RUNX1: variants seen among roughly 807,000 people sequenced by gnomAD.
RUNX1 encodes the protein RUNX family transcription factor 1.
A neutral mutation model predicts 42.8 loss-of-function variants in RUNX1; 19 were observed. That is an observed-to-expected ratio of 0.44 (90% confidence interval 0.31 to 0.65). The LOEUF (loss-of-function observed/expected upper bound fraction) is 0.65, where lower values mean the gene tolerates loss of function less well. Ranked by LOEUF, RUNX1 falls within the 30% of genes least tolerant of loss-of-function variation. The pLI is 0.07. For synonymous variants in RUNX1, 271 were observed against 289.4 expected (o/e 0.94, Z 0.64); for missense variants, 528 against 672.0 (o/e 0.79, Z 2.37).
At chr21:34,800,746 C>G (rs1479891135) in intron 7 of RUNX1, among the ~76,000 whole-genome samples, 1 of 152,174 alleles carries the variant, frequency 6.6e-6, no homozygotes, top group African/African-American at 2.4e-5. Flanking sequence ...CAGTATTCTC[C>G]TGACAGCCTC....
intron 6 of RUNX1, among the ~76,000 whole-genome samples, chr21:34,857,285 G>A (rs148135054): frequency 7.2e-4 from 110 of 152,294 alleles, no homozygotes; most frequent in African/African-American, 2.4e-3. Flanking sequence ...GTTTTCTTAA[G>A]TTGTAAAACA....
rs185684955 is a variant in RUNX1, at chr21:35,037,383, G to A, written c.58+11459C>T. ...GTGGGCAGGAGAGGTCTGGATACCA[G>A]TGGTGGGGCCATAAAGCCACCAAAT... On this transcript the variant is annotated intron_variant, in intron 2 of 8. Coordinates refer to ENST00000675419, the MANE Select transcript of RUNX1 (RefSeq NM_001754.5). Among the ~76,000 whole-genome samples, 251 of 152,328 alleles carry A rather than the reference G, an allele frequency of 1.6e-3. 3 individuals are homozygous for A. The highest frequency in any genetic ancestry group is 5.8e-3 in the African/African-American group (243 of 41,564).
At chr21:34,902,537 A>C (rs1368486472) in intron 2 of RUNX1, among the ~76,000 whole-genome samples, 1 of 152,224 alleles carries the variant, frequency 6.6e-6, no homozygotes, top group African/African-American at 2.4e-5. Flanking sequence ...TGAGATTCAC[A>C]CACACAAATA....
intron 2 of RUNX1, among the ~76,000 whole-genome samples, chr21:34,930,055 T>C (rs1232374536): frequency 1.3e-5 from 2 of 150,522 alleles, no homozygotes; most frequent in Non-Finnish European, 3.0e-5. Flanking sequence ...TCCATATATA[T>C]ACATATCTCA....
At chr21:35,022,316 G>A (rs896758562) in intron 2 of RUNX1, among the ~76,000 whole-genome samples, 10 of 152,196 alleles carry the variant, frequency 6.6e-5, no homozygotes, top group African/African-American at 2.2e-4. Flanking sequence ...GTTCCTTCTC[G>A]GTCTTACTCT....
chr21:34,998,450 C>T (rs909524813), intron 2 of RUNX1, among the ~76,000 whole-genome samples: 4 of 152,080 alleles, frequency 2.6e-5, no homozygotes. Flanking sequence ...TTTTATTTGG[C>T]TTTGGGCAAC....
intron 2 of RUNX1, among the ~76,000 whole-genome samples, chr21:35,013,474 C>T (rs998719537): frequency 9.2e-5 from 14 of 151,962 alleles, no homozygotes; most frequent in Non-Finnish European, 1.3e-4. Flanking sequence ...GAAGTTATTA[C>T]GAGAGGTGAA....
At position 34,956,002 on chromosome 21, in the gene RUNX1, T is replaced by C. The variant is rs146925558; in HGVS notation, c.59-63039A>G. ...CCTCATGCATATGCAAGCAAAAGTA[T>C]AAAAATAAATTCAGCTAATAGCCAA... On this transcript the variant is annotated intron_variant, in intron 2 of 8. Coordinates refer to ENST00000675419, the MANE Select transcript of RUNX1 (RefSeq NM_001754.5). Among the ~76,000 whole-genome samples, 331 of 152,282 alleles carry C rather than the reference T, an allele frequency of 2.2e-3. 2 individuals carry two copies. The highest frequency in any genetic ancestry group is 7.5e-3 in the African/African-American group (311 of 41,558).
chr21:34,901,428 G>A lies in RUNX1; in HGVS notation c.59-8465C>T, dbSNP rs1208600042. 2.6e-5 allele frequency among the ~76,000 whole-genome samples: 4 copies of A among 152,222 alleles called. No homozygotes were observed. The South Asian group carries it at 6.2e-4, about 24-fold the overall frequency. On this transcript the variant is annotated intron_variant, in intron 2 of 8. Transcript: ENST00000675419. This position sits in a 1 kb window ranked among gnomAD's most constrained non-coding sequence, Gnocchi z 4.3. ...CTCGAGAGGCTAAGGCGGGAGAATC[G>A]CTTGAACTCGGAAGGCGGAGGTTGC...
intron 6 of RUNX1, among the ~76,000 whole-genome samples, chr21:34,849,746 A>G (rs1342128967): frequency 6.6e-6 from 1 of 150,874 alleles, no homozygotes; most frequent in Non-Finnish European, 1.5e-5. Flanking sequence ...AACTTTTCAT[A>G]ATTAATACTT....
intron 2 of RUNX1, among the ~76,000 whole-genome samples, chr21:35,001,043 T>C (rs563886620): frequency 3.3e-4 from 50 of 152,338 alleles, no homozygotes; most frequent in Middle Eastern, 3.4e-3. Flanking sequence ...CTGAAGAACA[T>C]GTGATACTTC....
chr21:34,796,809 G>GA (rs964569302), intron 8 of RUNX1, among the ~76,000 whole-genome samples: 10 of 148,676 alleles, frequency 6.7e-5, no homozygotes, highest in African/African-American at 1.2e-4. Flanking sequence ...TTTTGAAAAA[G>GA]AAAAAAAAAA....
intron 2 of RUNX1, among the ~76,000 whole-genome samples, chr21:34,965,170 A>T (rs1317478356): frequency 6.7e-6 from 1 of 148,308 alleles, no homozygotes; most frequent in African/African-American, 2.5e-5. Context: ...ACACTCTCAC[A>T]TATGCACACA....
intron 2 of RUNX1, among the ~76,000 whole-genome samples, chr21:35,004,712 C>T (rs1601662057): frequency 6.6e-6 from 1 of 152,188 alleles, no homozygotes; most frequent in East Asian, 1.9e-4. Flanking sequence ...TATTAAATGA[C>T]AAGGGATCAT....
chr21:34,906,141 G>A (rs1171889280), intron 2 of RUNX1, among the ~76,000 whole-genome samples: 3 of 152,174 alleles, frequency 2.0e-5, no homozygotes, highest in African/African-American at 7.2e-5. Context: ...TAATATATAA[G>A]TGTACATACT....
Position 34,901,371 on chromosome 21 carries a change from G to A in RUNX1, c.59-8408C>T, listed in dbSNP as rs753718567. ...CTGAAAATAAAAAAAGTAGCTGGGC[G>A]TGGTGGCGGCGCGTGCCTGTAGTCC... On this transcript the variant is annotated intron_variant, in intron 2 of 8. Transcript: ENST00000675419. This position sits in a 1 kb window ranked among gnomAD's most constrained non-coding sequence, Gnocchi z 4.3. 1.8e-4 allele frequency among the ~76,000 whole-genome samples: 27 copies of A among 152,206 alleles called. No homozygotes were observed. Among genetic ancestry groups the A allele is most frequent in the Middle Eastern group, 3.4e-3 (1 of 294 alleles).
chr21:34,824,650 T>C (rs112396525), intron 7 of RUNX1, among the ~76,000 whole-genome samples: 21 of 152,318 alleles, frequency 1.4e-4, no homozygotes, highest in African/African-American at 4.3e-4. Flanking sequence ...CTGGTGACAA[T>C]TGAGGCAGGT....
In RUNX1 at chr21:34,988,686, T is replaced by C. The variant is rs117269874; in HGVS notation, c.58+60156A>G. 3.7e-3 allele frequency among the ~76,000 whole-genome samples: 559 copies of C among 152,252 alleles called. 2 individuals carry two copies. Among genetic ancestry groups the C allele is most frequent in the Middle Eastern group, 6.8e-3 (2 of 294 alleles). On this transcript the variant is annotated intron_variant, in intron 2 of 8. Transcript: ENST00000675419. ...GCTTTGATTGGCTCTTCCCTACTCA[T>C]CCCCTCACCTGACATCCGGACAGTG...
intron 7 of RUNX1, among the ~76,000 whole-genome samples, chr21:34,811,932 T>A (rs974393456): frequency 3.9e-5 from 6 of 152,064 alleles, no homozygotes; most frequent in Non-Finnish European, 5.9e-5. Flanking sequence ...GGCTTCTCCA[T>A]GCACAGAAAT....
Sources: allele counts gnomAD v4.1 joint callset (sites outside exome capture counted in the v4.1 genomes callset), GRCh38; gene constraint gnomAD v4.1.1; non-coding constraint Gnocchi (gnomAD v3.1); transcripts MANE v1.5; gene names NCBI Gene and HGNC (gene_info 2026-07-23, HGNC 2026-07-21).